Variants in LYAR observed in about 807,000 individuals in gnomAD.
LYAR encodes cell growth-regulating nucleolar protein.
LYAR carries 37 observed loss-of-function variants against 45.2 expected under a neutral mutation model. The ratio of observed to expected loss-of-function variants is 0.82; its 90% CI spans 0.63 to 1.08. The LOEUF is 1.08. Ranked by LOEUF, LYAR falls within the 50% of genes least tolerant of loss-of-function variation. LYAR has a pLI of 0.00. For synonymous variants in LYAR, 176 were observed against 155.1 expected, an observed-to-expected ratio of 1.14 and a Z score of -1.00; for missense variants, 493 against 451.0, an observed-to-expected ratio of 1.09 and a Z score of -0.84.
intron 1 of LYAR, among the ~76,000 whole-genome samples, chr4:4,286,864 G>A (rs944543013): frequency 1.3e-5 from 2 of 151,896 alleles, no homozygotes; most frequent in African/African-American, 4.8e-5. Flanking sequence ...TGTTAGCCAG[G>A]ATGGTCTCAA....
chr4:4,277,863 G>A (rs1472339229), intron 6 of LYAR, among the ~76,000 whole-genome samples: 2 of 152,190 alleles, frequency 1.3e-5, no homozygotes, highest in African/African-American at 4.8e-5. Context: ...AGGTACGGAG[G>A]ACAAGGCCTC....
rs777541198 is a variant in LYAR at position 4,274,793 on chromosome 4, AAC to A, written c.430-26_430-25del. ...TCCTTATCATTAAGCAAAAGCAAGA[AAC>A]ACATATTCATTTTAAATGTGTAAAT... On this transcript the variant is annotated intron_variant, in intron 6 of 9. Transcript: ENST00000343470. 18 of 1,572,224 alleles carry A rather than the reference AAC, an allele frequency of 1.1e-5. No homozygotes were observed. In the East Asian group the frequency reaches 4.0e-4, roughly 35 times the overall value.
chr4:4,278,667 T>C (rs1577215324), intron 6 of LYAR, among the ~76,000 whole-genome samples: 1 of 152,356 alleles, frequency 6.6e-6, no homozygotes, highest in Non-Finnish European at 1.5e-5. Context: ...TAGATTTTTT[T>C]GTTCAGGTCC....
intron 9 of LYAR, 45 bp downstream of exon 9, chr4:4,268,485 G>T (rs751986928): frequency 8.2e-7 from 1 of 1,216,728 alleles, no homozygotes; most frequent in Non-Finnish European, 1.2e-6. Flanking sequence ...TTAGAAATAA[G>T]TTCTCCCCAG....
chr4:4,288,543 T>C (rs1385465443), intron 1 of LYAR, among the ~76,000 whole-genome samples: 3 of 149,200 alleles, frequency 2.0e-5, no homozygotes, highest in African/African-American at 7.4e-5. Context: ...TGGAGTACAA[T>C]GGCGCAATCT....
intron 4 of LYAR, 115 bp from the exon 5 acceptor site, chr4:4,279,864 T>C (rs759584955): frequency 3.2e-5 from 21 of 660,362 alleles, no homozygotes; most frequent in Non-Finnish European, 5.3e-5. Context: ...TAAGCCCAGA[T>C]TCTGTATTTA....
At chr4:4,284,850 A>ATTTACTTCAGG (rs1719543173) in intron 2 of LYAR, among the ~76,000 whole-genome samples, 2 of 152,234 alleles carry the variant, frequency 1.3e-5, no homozygotes, top group South Asian at 4.1e-4. Flanking sequence ...GTGAGGGTCA[A>ATTTACTTCAGG]GTAAACCGAT....
rs571572825 is a variant in LYAR, at chr4:4,282,773, G to C, written c.122+848C>G. On this transcript the variant is annotated intron_variant, in intron 3 of 9. Transcript: ENST00000343470. The stretch of plus-strand genomic sequence containing the variant: ...CCGCTAACTCCTCACATTCACAGAG[G>C]CCTCCTCAGTGGAAGTGTCTCCTGA... Among the ~76,000 whole-genome samples the C allele has an allele frequency of 9.1e-4, 138 of 152,298 alleles. 1 individual carries two copies. The highest frequency in any genetic ancestry group is 3.1e-3 in the African/African-American group (130 of 41,546).
intron 8 of LYAR, among the ~76,000 whole-genome samples, chr4:4,269,330 A>G (rs1050231511): frequency 4.6e-5 from 7 of 152,336 alleles, no homozygotes; most frequent in South Asian, 2.1e-4. Context: ...AAACTTTTGT[A>G]TAATAACAAC....
At position 4,274,395 on chromosome 4, in the gene LYAR, T is replaced by C. The variant is rs1560092614; in HGVS notation, c.804A>G (p.Ala268=). 1.9e-6 allele frequency: 3 copies of C among 1,613,240 alleles called. No individual in the cohort carries two copies. Among genetic ancestry groups the C allele is most frequent in the Non-Finnish European group, 2.5e-6 (3 of 1,179,526 alleles). The change falls in exon 7 of 10, where the codon GCA becomes GCG. Residue 268 remains alanine (A), a synonymous_variant. Coordinates refer to ENST00000343470, the MANE Select transcript of LYAR (RefSeq NM_017816.3). ...SASEEEARVG[A]GKRKRRHSEV... ...CCGAGTGCCTCCGCTTCCTCTTCCC[T>C]GCGCCCACGCGTGCCTCTTCCTCAC...
rs147781863 is a variant in LYAR at position 4,282,637 on chromosome 4, C to A, written c.123-740G>T. The stretch of plus-strand genomic sequence containing the variant: ...ATGCAGCCAGAAGCCAGCTTCTCGC[C>A]TGGACCTTCTGAGGCTGAAGGGGAA... On this transcript the variant is annotated intron_variant, in intron 3 of 9. Coordinates refer to ENST00000343470, the MANE Select transcript of LYAR (RefSeq NM_017816.3). Among the ~76,000 whole-genome samples, 599 of 152,334 alleles carry A rather than the reference C, an allele frequency of 3.9e-3. 1 individual carries two copies. The highest frequency in any genetic ancestry group is 0.014 in the African/African-American group (576 of 41,572).
intron 3 of LYAR, 24 bp from the exon 4 acceptor site, chr4:4,281,921 C>T: frequency 2.6e-6 from 4 of 1,525,332 alleles, no homozygotes; most frequent in Non-Finnish European, 3.6e-6. Context: ...AAAAGTTCTG[C>T]CATTAGACTG....
rs201070985 is a variant in LYAR at position 4,279,447 on chromosome 4, G to A, written c.429C>T (p.Ser143=). 3.4e-5 allele frequency: 55 copies of A among 1,597,002 alleles called. No individual in the cohort carries two copies. The highest frequency in any genetic ancestry group is 5.4e-5 in the African/African-American group (4 of 74,396). Residue 143 remains serine, a splice_region_variant and synonymous_variant, in exon 6 of 10, where the codon AGC becomes AGT. Coordinates refer to ENST00000343470, the MANE Select transcript of LYAR (RefSeq NM_017816.3). ...AAATCTAAAATCAGATCTGACTTAC[G>A]CTGTTGGAAGCTTCAGAAAAGATAT... ...VWNIFSEASN[S]EPVNKEQDQR...
intron 6 of LYAR, among the ~76,000 whole-genome samples, chr4:4,275,278 G>A (rs1719132722): frequency 6.6e-6 from 1 of 152,196 alleles, no homozygotes; most frequent in Non-Finnish European, 1.5e-5. Flanking sequence ...AACGAGGAAA[G>A]ATCCGTCATG....
At chr4:4,278,332 C>T (rs1719271693) in intron 6 of LYAR, among the ~76,000 whole-genome samples, 1 of 152,182 alleles carries the variant, frequency 6.6e-6, no homozygotes, top group South Asian at 2.1e-4. Context: ...TCTGACCCCA[C>T]TGTTTTTTGA....
intron 6 of LYAR, 43 bp from the exon 7 acceptor site, chr4:4,274,812 T>A (rs770013689): frequency 6.5e-7 from 1 of 1,546,954 alleles, no homozygotes; most frequent in Non-Finnish European, 8.7e-7. Flanking sequence ...TCATTTTAAA[T>A]GTGTAAATAG....
intron 1 of LYAR, among the ~76,000 whole-genome samples, chr4:4,289,352 TGTGA>T (rs1012604971): frequency 5.9e-5 from 9 of 152,154 alleles, no homozygotes; most frequent in African/African-American, 1.7e-4. Context: ...TCGGGCACAG[TGTGA>T]GTAAGTCCCA....
intron 2 of LYAR, 22 bp from the exon 3 acceptor site, chr4:4,283,817 T>G (rs1719498070): frequency 1.7e-6 from 2 of 1,211,012 alleles, no homozygotes; most frequent in Non-Finnish European, 2.3e-6. Flanking sequence ...AAGACAATTA[T>G]AATTATAAAC....
At chr4:4,288,739 G>A (rs961245056) in intron 1 of LYAR, among the ~76,000 whole-genome samples, 1 of 152,198 alleles carries the variant, frequency 6.6e-6, no homozygotes, top group South Asian at 2.1e-4. Flanking sequence ...ACCCTCCTCG[G>A]CCTCCCAAAG....
Sources: allele counts gnomAD v4.1 joint callset (sites outside exome capture counted in the v4.1 genomes callset), GRCh38; gene constraint gnomAD v4.1.1; transcripts MANE v1.5; gene names NCBI Gene and HGNC (gene_info 2026-07-23, HGNC 2026-07-21).